SVOP: variants seen among roughly 807,000 people sequenced by gnomAD.
SVOP encodes SV2 related protein, also known as synaptic vesicle 2-related protein.
Under a neutral mutation model 69.1 loss-of-function variants are expected in SVOP, and 17 were observed. The observed-to-expected ratio is 0.25, with a 90% CI of 0.17 to 0.37. The LOEUF (loss-of-function observed/expected upper bound fraction) is 0.37. Among genes scored for constraint, SVOP ranks in the 10% least tolerant of loss-of-function variants. The pLI is 1.00. For synonymous variants in SVOP, 238 were observed against 238.6 expected (o/e 1.00, Z 0.02); for missense variants, 435 against 597.5 (o/e 0.73, Z 2.84).
chr12:108,948,883 A>G (rs1430948377), intron 6 of SVOP, among the ~76,000 whole-genome samples: 1 of 152,208 alleles, frequency 6.6e-6, no homozygotes, highest in East Asian at 1.9e-4. Context: ...GATGACTTTT[A>G]TATTTTATTC....
rs573084809 is a variant in SVOP at position 108,956,251 on chromosome 12, G to A, written c.578+4672C>T. Among the ~76,000 whole-genome samples, 33 of 150,060 alleles carry A rather than the reference G, an allele frequency of 2.2e-4. 1 individual carries two copies. The highest frequency in any genetic ancestry group is 3.5e-3 in the Middle Eastern group (1 of 286). On this transcript the variant is annotated intron_variant, in intron 6 of 15. Coordinates refer to ENST00000610966, the MANE Select transcript of SVOP (RefSeq NM_018711.5). ...CTGGAGGCGGAGCTTGTAGTGAGCC[G>A]AGATTGCGCCACTGCACTCCAGCCT...
At chr12:108,922,271 T>C (rs1158423577) in intron 12 of SVOP, among the ~76,000 whole-genome samples, 2 of 152,228 alleles carry the variant, frequency 1.3e-5, no homozygotes, top group South Asian at 2.1e-4. Flanking sequence ...CAGGCTATTA[T>C]AAAATATTTG....
At chr12:108,987,852 G>A (rs1259929233) in intron 1 of SVOP, among the ~76,000 whole-genome samples, 1 of 151,988 alleles carries the variant, frequency 6.6e-6, no homozygotes, top group Non-Finnish European at 1.5e-5. Flanking sequence ...CATATGATTT[G>A]CAAACAATTT....
intron 10 of SVOP, among the ~76,000 whole-genome samples, 179 bp from the exon 11 acceptor site, chr12:108,934,450 C>T (rs1369680337): frequency 1.3e-5 from 2 of 152,058 alleles, no homozygotes; most frequent in Non-Finnish European, 2.9e-5. Context: ...AAAAGCATCA[C>T]GATATGATCA....
chr12:108,990,687 AAACAGAAAAAT>A (rs1426982690), intron 1 of SVOP, among the ~76,000 whole-genome samples: 88 of 4,670 alleles, frequency 0.019, no homozygotes, highest in Non-Finnish European at 0.11. Flanking sequence ...AAATAAAACA[AAACAGAAAAAT>A]AAATAAATAA....
chr12:108,920,454 T>C (rs1007828149), intron 12 of SVOP, among the ~76,000 whole-genome samples: 1 of 152,144 alleles, frequency 6.6e-6, no homozygotes, highest in African/African-American at 2.4e-5. Flanking sequence ...CTTGGGCTAG[T>C]CCCTTACCTC....
At chr12:109,001,007 A>T (rs1322753378) in intron 1 of SVOP, among the ~76,000 whole-genome samples, 1 of 151,856 alleles carries the variant, frequency 6.6e-6, no homozygotes, top group Non-Finnish European at 1.5e-5. Flanking sequence ...AATTAGGAAA[A>T]GAGGAAGTCA....
At chr12:108,923,679 G>A (rs1447533212) in intron 11 of SVOP, among the ~76,000 whole-genome samples, 1 of 151,976 alleles carries the variant, frequency 6.6e-6, no homozygotes. Context: ...GTTTCTGTAG[G>A]TCAGGAGTTT....
At chr12:108,979,549 C>T (rs2040125675) in intron 2 of SVOP, among the ~76,000 whole-genome samples, 1 of 152,220 alleles carries the variant, frequency 6.6e-6, no homozygotes, top group South Asian at 2.1e-4. Flanking sequence ...GCCTGAAATA[C>T]TTTTGAAAGG....
At chr12:108,925,146 CTG>C (rs1191970119) in intron 11 of SVOP, among the ~76,000 whole-genome samples, 1 of 152,114 alleles carries the variant, frequency 6.6e-6, no homozygotes, top group Non-Finnish European at 1.5e-5. Flanking sequence ...CTGATTTTGC[CTG>C]TAACTTCTAC....
chr12:108,954,061 G>T (rs2039972314), intron 6 of SVOP, among the ~76,000 whole-genome samples: 1 of 140,018 alleles, frequency 7.1e-6, no homozygotes, highest in South Asian at 2.2e-4. Context: ...GCAGTGAGCC[G>T]AGATATCACA....
intron 6 of SVOP, among the ~76,000 whole-genome samples, chr12:108,951,993 T>C (rs927229054): frequency 6.6e-6 from 1 of 152,188 alleles, no homozygotes; most frequent in African/African-American, 2.4e-5. Flanking sequence ...AGAAGGTTTG[T>C]GGCTTCTTCT....
intron 11 of SVOP, among the ~76,000 whole-genome samples, chr12:108,925,115 A>G (rs1593178557): frequency 1.3e-5 from 2 of 152,298 alleles, no homozygotes; most frequent in East Asian, 3.9e-4. Flanking sequence ...AAACCAAGGT[A>G]TAGTTTCCAT....
chr12:108,951,983 A>G (rs1018365330), intron 6 of SVOP, among the ~76,000 whole-genome samples: 1 of 152,182 alleles, frequency 6.6e-6, no homozygotes, highest in Non-Finnish European at 1.5e-5. Context: ...ATAGGCCTCA[A>G]GAAGGTTTGT....
rs1297501593 is a variant in SVOP, at chr12:108,992,910, G to A, written c.36-9149C>T. Among the ~76,000 whole-genome samples, 5 of 152,172 alleles carry A rather than the reference G, an allele frequency of 3.3e-5. No individual in the cohort carries two copies. The East Asian group carries it at 9.6e-4, about 29-fold the overall frequency. On this transcript the variant is annotated intron_variant, in intron 1 of 15. Transcript: ENST00000610966. ...AAATAAATAAAATGGTTAAAATAGAGCCAGACATGGTGGGGGGCTGGGGTG... is the reference window on the plus strand; with the variant it reads ...AAATAAATAAAATGGTTAAAATAGAACCAGACATGGTGGGGGGCTGGGGTG...
At chr12:108,998,143 C>T (rs149496069) in intron 1 of SVOP, among the ~76,000 whole-genome samples, 263 of 152,256 alleles carry the variant, frequency 1.7e-3, no homozygotes, top group African/African-American at 6.1e-3. Flanking sequence ...AAAACCAAGG[C>T]TCAAGAACTA....
chr12:108,998,195 G>C (rs1185254050), intron 1 of SVOP, among the ~76,000 whole-genome samples: 2 of 152,170 alleles, frequency 1.3e-5, no homozygotes, highest in East Asian at 3.8e-4. Context: ...GCGATCAACT[G>C]GAAGAAAGAG....
At chr12:108,967,595 C>T (rs753270711) in intron 5 of SVOP, among the ~76,000 whole-genome samples, 11 of 152,204 alleles carry the variant, frequency 7.2e-5, no homozygotes, top group Non-Finnish European at 1.3e-4. Context: ...TGCCACATCA[C>T]TGCAACTTGG....
At chr12:108,932,191 A>AT (rs1268259332) in intron 11 of SVOP, among the ~76,000 whole-genome samples, 5 of 151,776 alleles carry the variant, frequency 3.3e-5, no homozygotes, top group Admixed American at 1.3e-4. Flanking sequence ...AATTTTTTAA[A>AT]TTTTTTGTAG....
Sources: allele counts gnomAD v4.1 joint callset (sites outside exome capture counted in the v4.1 genomes callset), GRCh38; gene constraint gnomAD v4.1.1; transcripts MANE v1.5; gene names NCBI Gene and HGNC (gene_info 2026-07-23, HGNC 2026-07-21).